Variants in CES1 observed in about 807,000 individuals in gnomAD.
CES1 encodes liver carboxylesterase 1.
In CES1, 50 loss-of-function variants were observed where a neutral mutation model predicts 53.0. The observed-to-expected ratio is 0.94, with a 90% CI of 0.75 to 1.19. CES1 has a LOEUF of 1.19. Among genes scored for constraint, CES1 ranks in the 50% most tolerant of loss-of-function variants. CES1 has a pLI of 0.00. For missense variants in CES1, 534 were observed against 538.0 expected (o/e 0.99, Z 0.07); for synonymous variants, 202 against 210.1 (o/e 0.96, Z 0.33).
At chr16:55,820,607 A>C in intron 5 of CES1, 128 bp from the exon 6 acceptor site, 1 of 1,472,428 alleles carries the variant, frequency 6.8e-7, no homozygotes. Flanking sequence ...TAGTGGGCTG[A>C]CCCTCTGCCC....
chr16:55,826,839 A>G (rs1278708305), intron 2 of CES1, among the ~76,000 whole-genome samples: 1 of 152,208 alleles, frequency 6.6e-6, no homozygotes, highest in African/African-American at 2.4e-5. Context: ...CCCTGATGAA[A>G]GATCTCAAGG....
chr16:55,812,038 T>G (rs1317732891), intron 9 of CES1, among the ~76,000 whole-genome samples: 2 of 152,196 alleles, frequency 1.3e-5, no homozygotes, highest in African/African-American at 2.4e-5. Context: ...GTGTTTCCCT[T>G]GGCACACCTG....
intron 1 of CES1, among the ~76,000 whole-genome samples, chr16:55,832,149 G>T (rs1489699038): frequency 6.6e-6 from 1 of 152,032 alleles, no homozygotes; most frequent in Non-Finnish European, 1.5e-5. Context: ...AGCCCCTGAA[G>T]TATCCCAACT....
intron 11 of CES1, among the ~76,000 whole-genome samples, chr16:55,809,653 G>A (rs1472598254): frequency 6.6e-6 from 1 of 152,112 alleles, no homozygotes; most frequent in African/African-American, 2.4e-5. Flanking sequence ...GCACTGAGAT[G>A]CATAAAAACC....
chr16:55,812,742 G>A (rs2031753541), intron 9 of CES1, among the ~76,000 whole-genome samples, 161 bp downstream of exon 9: 1 of 152,150 alleles, frequency 6.6e-6, no homozygotes, highest in African/African-American at 2.4e-5. Flanking sequence ...TGAAAACTGT[G>A]CCCTCCTGGA....
chr16:55,832,282 C>G (rs1241691828), intron 1 of CES1, among the ~76,000 whole-genome samples: 1 of 152,178 alleles, frequency 6.6e-6, no homozygotes, highest in Admixed American at 6.5e-5. Flanking sequence ...CCTTGTGCCC[C>G]GCGCACTGGT....
chr16:55,815,803 A>G (rs1209104094), intron 8 of CES1, among the ~76,000 whole-genome samples: 2 of 152,224 alleles, frequency 1.3e-5, no homozygotes, highest in African/African-American at 2.4e-5. Flanking sequence ...CACCAGAGAC[A>G]GAGACCTTTG....
chr16:55,826,341 G>T, intron 2 of CES1, 46 bp from the exon 3 acceptor site: 1 of 1,612,738 alleles, frequency 6.2e-7, no homozygotes. Context: ...CCAGATCTAA[G>T]CGAGGTGTTT....
At chr16:55,832,410 G>A (rs1205745880) in intron 1 of CES1, among the ~76,000 whole-genome samples, 2 of 152,174 alleles carry the variant, frequency 1.3e-5, no homozygotes, top group Non-Finnish European at 2.9e-5. Context: ...TTTAAACAGC[G>A]CCTTTATTTA....
Position 55,832,996 on chromosome 16 carries a change from G to C in CES1, c.52+8C>G, listed in dbSNP as rs755775122. 7 of 1,555,874 alleles carry C rather than the reference G, an allele frequency of 4.5e-6. 1 individual carries two copies. The South Asian group carries it at 5.6e-5, about 13-fold the overall frequency. On this transcript the variant is annotated splice_region_variant and intron_variant, in intron 1 of 13. Transcript: ENST00000360526. ...AGTGCCCCGCATTTTGATTTCAGAA[G>C]GACTCACCCCAAGCCGCGGAAGCAG...
chr16:55,809,093 CAAAAA>C (rs376932562), intron 11 of CES1, among the ~76,000 whole-genome samples: 21 of 72,068 alleles, frequency 2.9e-4, no homozygotes, highest in South Asian at 8.9e-4. Flanking sequence ...GTAGTCCTGG[CAAAAA>C]AAAAAAAAAA....
intron 11 of CES1, among the ~76,000 whole-genome samples, chr16:55,808,326 T>C (rs201675936): frequency 0.043 from 6,429 of 151,104 alleles, 68 homozygotes; most frequent in Middle Eastern, 0.12. Context: ...ACAACACAAG[T>C]CTTCAGAGGA....
intron 5 of CES1, 75 bp downstream of exon 5, chr16:55,821,293 G>T: frequency 6.4e-7 from 1 of 1,571,434 alleles, no homozygotes; most frequent in Non-Finnish European, 8.8e-7. Context: ...TCCATAGCTG[G>T]ATTGACAGGT....
At chr16:55,812,856 G>C (rs776617724) in intron 9 of CES1, 47 bp downstream of exon 9, 1 of 1,612,298 alleles carries the variant, frequency 6.2e-7, no homozygotes, top group Non-Finnish European at 8.5e-7. Flanking sequence ...AGACAGGAGG[G>C]CTGATGGGGG....
chr16:55,819,981 T>C (rs1246659717), intron 6 of CES1: 1 of 542,738 alleles, frequency 1.8e-6, no homozygotes, highest in African/African-American at 1.9e-5. Context: ...AAATCCTGGT[T>C]GTTCCACTTA....
chr16:55,816,404 T>C (rs1438862501), intron 8 of CES1, among the ~76,000 whole-genome samples: 1 of 152,146 alleles, frequency 6.6e-6, no homozygotes, highest in Non-Finnish European at 1.5e-5. Context: ...GAGGACAGGA[T>C]TGTAAGATTC....
chr16:55,828,270 A>T (rs1191059203), intron 2 of CES1: 11 of 253,672 alleles, frequency 4.3e-5, no homozygotes, highest in African/African-American at 9.0e-5. Context: ...CTGAGAGTTG[A>T]GCACTTGCCG....
At chr16:55,820,029 A>G in intron 6 of CES1, 1 of 553,892 alleles carries the variant, frequency 1.8e-6, no homozygotes, top group Non-Finnish European at 3.3e-6. Flanking sequence ...ACAAGACACC[A>G]TCACTGCCCA....
intron 11 of CES1, among the ~76,000 whole-genome samples, chr16:55,809,750 C>T (rs2031604151): frequency 6.6e-6 from 1 of 152,232 alleles, no homozygotes; most frequent in Admixed American, 6.5e-5. Flanking sequence ...GGACAATCCT[C>T]TGGATCCCAT....
Sources: allele counts gnomAD v4.1 joint callset (sites outside exome capture counted in the v4.1 genomes callset), GRCh38; gene constraint gnomAD v4.1.1; transcripts MANE v1.5; gene names NCBI Gene and HGNC (gene_info 2026-07-23, HGNC 2026-07-21).